The following TUB variants were observed in gnomAD, a reference collection of about 807,000 sequenced individuals.
TUB encodes TUB bipartite transcription factor, also known as tubby protein homolog.
In TUB, 33 loss-of-function variants were observed where a neutral mutation model predicts 59.7. The ratio of observed to expected loss-of-function variants is 0.55; its 90% CI spans 0.42 to 0.74. TUB has a LOEUF of 0.74. Among genes scored for constraint, TUB ranks in the 30% least tolerant of loss-of-function variants. TUB has a pLI of 0.00. For missense variants in TUB, 659 were observed against 672.0 expected (o/e 0.98, Z 0.21); for synonymous variants, 293 against 256.4 (o/e 1.14, Z -1.36).
chr11:8,030,895 A>G (rs1942561785), intron 1 of TUB, among the ~76,000 whole-genome samples: 1 of 152,154 alleles, frequency 6.6e-6, no homozygotes, highest in Non-Finnish European at 1.5e-5. Flanking sequence ...CAGACCAACT[A>G]AATACCATGC....
At chr11:8,086,539 G>A (rs533012235) in intron 1 of TUB, among the ~76,000 whole-genome samples, 9 of 152,268 alleles carry the variant, frequency 5.9e-5, no homozygotes, top group East Asian at 1.9e-4. Flanking sequence ...CGCACTTGTC[G>A]TTAGCTAGGA....
intron 2 of TUB, among the ~76,000 whole-genome samples, chr11:8,064,217 G>T (rs1181760628): frequency 6.6e-6 from 1 of 152,298 alleles, no homozygotes; most frequent in East Asian, 1.9e-4. Context: ...GCCCCAGGGA[G>T]AAGACTGAGA....
intron 1 of TUB, among the ~76,000 whole-genome samples, chr11:8,019,772 G>A (rs1377518914): frequency 6.6e-6 from 1 of 151,734 alleles, no homozygotes; most frequent in African/African-American, 2.4e-5. Context: ...GGATGCGCCC[G>A]CCGGCGTCTG....
chr11:8,061,062 G>A (rs1943116072), intron 2 of TUB, among the ~76,000 whole-genome samples: 1 of 152,234 alleles, frequency 6.6e-6, no homozygotes, highest in Admixed American at 6.5e-5. Flanking sequence ...TGGGGCCTGT[G>A]TGGCCCTGGC....
In TUB at chr11:8,030,321, A is replaced by T. The variant is rs116626884; in HGVS notation, c.56+10963A>T. ...GAGAACAGTTGCCAAGTAGGGGCTC[A>T]TGGGTATCTGTTGATACTTACTGCC... On this transcript the variant is annotated intron_variant, in intron 1 of 11. Coordinates refer to the TUB transcript ENST00000534099. Among the ~76,000 whole-genome samples, 1,174 of 152,290 alleles carry T rather than the reference A, an allele frequency of 7.7e-3. 14 individuals are homozygous for T. Among genetic ancestry groups the T allele is most frequent in the African/African-American group, 0.027 (1,133 of 41,558 alleles).
chr11:8,026,517 A>T (rs1248587499), intron 1 of TUB, among the ~76,000 whole-genome samples: 1 of 150,824 alleles, frequency 6.6e-6, no homozygotes, highest in Non-Finnish European at 1.5e-5. Flanking sequence ...GCATTCATTG[A>T]AAAAAACCTT....
In TUB at chr11:8,090,098, G is replaced by A; in HGVS notation, c.120G>A (p.Lys40=). ...CCCTGCTGGAGCAGAAGCAGAAGAA[G>A]AAGCGCCAGGAGCCCCTGATGGTGC... ...QRALLEQKQK[K]KRQEPLMVQA... The change falls in exon 3 of 12, where the codon AAG becomes AAA. Residue 40 remains lysine, a synonymous_variant. Transcript: ENST00000299506. 1 of 1,611,894 alleles carries A rather than the reference G, an allele frequency of 6.2e-7. No homozygotes were observed. The highest frequency in any genetic ancestry group is 1.1e-5 in the South Asian group (1 of 90,884).
chr11:8,064,821 G>A (rs1165429625), intron 2 of TUB, among the ~76,000 whole-genome samples: 1 of 152,236 alleles, frequency 6.6e-6, no homozygotes, highest in African/African-American at 2.4e-5. Flanking sequence ...GGCAGACATG[G>A]CTGGTGGGGC....
chr11:8,097,707 C>T lies in TUB; in HGVS notation c.886-7C>T. On this transcript the variant is annotated splice_region_variant and splice_polypyrimidine_tract_variant and intron_variant, in intron 7 of 11. Transcript: ENST00000299506. ...GTCTGGAATATGACCTCATTCCACT[C>T]CCCAAGGTGTTCCTCCTGGCGGGAA... 33 of 1,610,100 alleles carry T rather than the reference C, an allele frequency of 2.0e-5. No homozygotes were observed. Among genetic ancestry groups the T allele is most frequent in the Non-Finnish European group, 2.7e-5 (32 of 1,177,040 alleles).
upstream of TUB, among the ~76,000 whole-genome samples, chr11:8,078,305 C>T (rs1943482588): frequency 6.6e-6 from 1 of 152,106 alleles, no homozygotes; most frequent in African/African-American, 2.4e-5. Context: ...ATATCTTACC[C>T]TTGCAGGATT....
At chr11:8,057,279 C>T (rs970284531) in intron 2 of TUB, among the ~76,000 whole-genome samples, 2 of 152,160 alleles carry the variant, frequency 1.3e-5, no homozygotes, top group African/African-American at 4.8e-5. Context: ...CAGTTACTCG[C>T]GCCTGTAATC....
At chr11:8,101,101 ATG>A (rs1453379231) in intron 11 of TUB, 104 bp downstream of exon 11, 12 of 1,357,142 alleles carry the variant, frequency 8.8e-6, no homozygotes, top group Non-Finnish European at 1.2e-5. Flanking sequence ...GAGTTTAAGA[ATG>A]TGAGCTATAC....
intron 1 of TUB, among the ~76,000 whole-genome samples, chr11:8,022,659 G>A (rs1942446575): frequency 6.6e-6 from 1 of 152,184 alleles, no homozygotes; most frequent in African/African-American, 2.4e-5. Flanking sequence ...TGAGGCCAAG[G>A]CGGGCGGATT....
chr11:8,081,936 G>C (rs897865002), intron 1 of TUB, among the ~76,000 whole-genome samples: 1 of 152,216 alleles, frequency 6.6e-6, no homozygotes, highest in Non-Finnish European at 1.5e-5. Context: ...GGACGTCCCT[G>C]CCTTGGGCCA....
chr11:8,033,235 G>A (rs1241456862), intron 1 of TUB, among the ~76,000 whole-genome samples: 4 of 152,178 alleles, frequency 2.6e-5, no homozygotes, highest in Non-Finnish European at 5.9e-5. Context: ...CGTTTCCTTG[G>A]TTCCCTTTTG....
intron 2 of TUB, among the ~76,000 whole-genome samples, 177 bp from the exon 3 acceptor site, chr11:8,089,892 G>T (rs1943738285): frequency 6.6e-6 from 1 of 152,262 alleles, no homozygotes; most frequent in African/African-American, 2.4e-5. Flanking sequence ...TGGCTGTGCT[G>T]TGATCCTGCC....
intron 1 of TUB, among the ~76,000 whole-genome samples, chr11:8,083,384 C>G (rs1465191084): frequency 6.6e-6 from 1 of 152,168 alleles, no homozygotes; most frequent in Non-Finnish European, 1.5e-5. Flanking sequence ...GAAAGCTTCT[C>G]CCAGGGAGCC....
Position 8,101,852 on chromosome 11 carries a change from C to CGG in TUB, c.*233_*234insGG. ...TGTGAAGGGATGAGAATAATTCTTT[C>CGG]CATGCCACGAGATCAACACACACTC... On this transcript the variant is annotated 3_prime_UTR_variant, in exon 12 of 12. Transcript: ENST00000299506. The CGG allele has an allele frequency of 7.1e-6, 3 of 423,634 alleles. No individual in the cohort carries two copies. The highest frequency in any genetic ancestry group is 1.9e-4 in the South Asian group (2 of 10,632). The allele number at this position is 423,634 out of a possible 1,614,324, so 26.2% of individuals were successfully genotyped here. A position where few individuals can be genotyped will look rare whatever the true frequency, so the allele number is the denominator to read the frequency against.
chr11:8,065,653 C>T (rs1011193810), intron 2 of TUB, among the ~76,000 whole-genome samples: 4 of 152,164 alleles, frequency 2.6e-5, no homozygotes, highest in African/African-American at 9.7e-5. Flanking sequence ...AATAGGCCTC[C>T]ACTCTAGACG....
Sources: allele counts gnomAD v4.1 joint callset (sites outside exome capture counted in the v4.1 genomes callset), GRCh38; gene constraint gnomAD v4.1.1; transcripts MANE v1.5; gene names NCBI Gene and HGNC (gene_info 2026-07-23, HGNC 2026-07-21).